TERB2: variants seen among roughly 807,000 people sequenced by gnomAD.
TERB2 encodes the protein telomere repeat binding bouquet formation protein 2, also known as telomere repeats-binding bouquet formation protein 2.
Under a neutral mutation model 29.8 loss-of-function variants are expected in TERB2, and 26 were observed. The observed-to-expected ratio is 0.87, with a 90% CI of 0.64 to 1.21. The LOEUF (loss-of-function observed/expected upper bound fraction) is 1.21, where lower values mean the gene tolerates loss of function less well. Ranked by LOEUF, TERB2 falls within the 50% of genes most tolerant of loss-of-function variation. The pLI is 0.00. For synonymous variants in TERB2, 80 were observed against 90.8 expected (o/e 0.88, Z 0.68); for missense variants, 240 against 268.6 (o/e 0.89, Z 0.74).
intron 4 of TERB2, among the ~76,000 whole-genome samples, chr15:44,965,663 A>G (rs2141241761): frequency 6.8e-6 from 1 of 147,918 alleles, no homozygotes; most frequent in East Asian, 2.0e-4. Flanking sequence ...CTTTATGTAT[A>G]TAGTGAAGCA....
intron 6 of TERB2, chr15:44,976,191 T>G (rs1480879734): frequency 6.6e-6 from 1 of 152,232 alleles, no homozygotes; most frequent in Admixed American, 6.5e-5. Context: ...CCACCGCACC[T>G]GACCCAGTGA....
At chr15:44,976,569 C>T (rs1388779260) in intron 6 of TERB2, among the ~76,000 whole-genome samples, 3 of 152,166 alleles carry the variant, frequency 2.0e-5, no homozygotes, top group African/African-American at 7.2e-5. Context: ...GACATTGCAT[C>T]ACTTCTGTCA....
At chr15:44,965,196 A>T (rs1288354992) in intron 4 of TERB2, among the ~76,000 whole-genome samples, 1 of 146,148 alleles carries the variant, frequency 6.8e-6, no homozygotes, top group Non-Finnish European at 1.5e-5. Context: ...AAAGAAAAGG[A>T]AAAAAAAGAA....
chr15:44,965,619 AATATAT>A (rs1392364717), intron 4 of TERB2, among the ~76,000 whole-genome samples: 4 of 143,580 alleles, frequency 2.8e-5, no homozygotes, highest in Admixed American at 7.2e-5. Flanking sequence ...TAGATATATA[AATATAT>A]ATCTATATAA....
rs531170201 is a variant in TERB2, at chr15:44,978,687, A to G, written c.*59A>G. On this transcript the variant is annotated 3_prime_UTR_variant, in exon 7 of 7. Transcript: ENST00000340827. ...TCTATAAAATATTATACAGATGTGCATATCATAAAATGCTCCCTTTTGGTA... is the reference window on the plus strand; with the variant it reads ...TCTATAAAATATTATACAGATGTGCGTATCATAAAATGCTCCCTTTTGGTA... The G allele has an allele frequency of 1.4e-6, 2 of 1,406,080 alleles. No homozygotes were observed. Among genetic ancestry groups the G allele is most frequent in the Admixed American group, 5.0e-5 (2 of 40,238 alleles). The allele number at this position is 1,406,080 out of a possible 1,614,324, so 87.1% of individuals were successfully genotyped here. A position where few individuals can be genotyped will look rare whatever the true frequency, so the allele number is the denominator to read the frequency against.
intron 6 of TERB2, among the ~76,000 whole-genome samples, chr15:44,974,172 G>C (rs1892010798): frequency 6.6e-6 from 1 of 152,124 alleles, no homozygotes; most frequent in African/African-American, 2.4e-5. Flanking sequence ...ATGGTATCAA[G>C]GTAGGGTGAC....
chr15:44,965,606 T>C (rs922086436), intron 4 of TERB2, among the ~76,000 whole-genome samples: 5 of 144,808 alleles, frequency 3.5e-5, no homozygotes, highest in Admixed American at 7.1e-5. Context: ...TTTATATATT[T>C]AATAGATATA....
At position 44,956,785 on chromosome 15, in the gene TERB2, A is replaced by G; in HGVS notation, c.64+3A>G. On this transcript the variant is annotated splice_donor_region_variant and intron_variant, in intron 1 of 6. Coordinates refer to ENST00000340827, the MANE Select transcript of TERB2 (RefSeq NM_152448.3). ...CCAGGATCTGAGGCAATTCTGGGGT[A>G]GGAAGCTGAGTGGAAGCAGCGGGTT... is the stretch of plus-strand genomic sequence containing the variant. The G allele has an allele frequency of 6.2e-7, 1 of 1,613,966 alleles. No homozygotes were observed. Among genetic ancestry groups the G allele is most frequent in the Non-Finnish European group, 8.5e-7 (1 of 1,179,902 alleles).
In TERB2 at chr15:44,966,193, T is replaced by C; in HGVS notation, c.384T>C (p.Leu128=). The C allele has an allele frequency of 6.4e-7, 1 of 1,560,306 alleles. No individual in the cohort carries two copies. The highest frequency in any genetic ancestry group is 8.6e-7 in the Non-Finnish European group (1 of 1,158,192). Residue 128 remains leucine, a synonymous_variant, in exon 5 of 7, where the codon CTT becomes CTC. Coordinates refer to ENST00000340827, the MANE Select transcript of TERB2 (RefSeq NM_152448.3). ...TAACACCAAATGAAATAAAGACCCT[T>C]AGGGAAAACAGTGAACTAGCAACAG... ...DEVTPNEIKT[L]RENSELATEH...
intron 5 of TERB2, among the ~76,000 whole-genome samples, chr15:44,969,376 G>A (rs1030102817): frequency 6.6e-6 from 1 of 152,006 alleles, no homozygotes; most frequent in African/African-American, 2.4e-5. Flanking sequence ...CCAAAGTGCT[G>A]GGATTATAGG....
chr15:44,962,183 CTT>C (rs776185424), intron 4 of TERB2, among the ~76,000 whole-genome samples: 55 of 138,090 alleles, frequency 4.0e-4, no homozygotes, highest in South Asian at 1.4e-3. Context: ...TTTACCAGTT[CTT>C]TTTTTTTTTT....
chr15:44,974,541 A>G (rs941126908), intron 6 of TERB2, among the ~76,000 whole-genome samples: 1 of 152,192 alleles, frequency 6.6e-6, no homozygotes, highest in East Asian at 1.9e-4. Context: ...AGTGCTGTAC[A>G]TAAAGAGAAG....
Position 44,978,523 on chromosome 15 carries a change from T to C in TERB2, c.558T>C (p.Leu186=), listed in dbSNP as rs745726932. ...YISIDAMKKF[L]GELHDFIPGT... Reference sequence around the variant, plus strand: ...CAATTGATGCCATGAAGAAATTCCTTGGGGAGCTACATGACTTCATTCCTG... The same window carrying C: ...CAATTGATGCCATGAAGAAATTCCTCGGGGAGCTACATGACTTCATTCCTG... The change falls in exon 7 of 7, where the codon CTT becomes CTC. Residue 186 remains leucine, a synonymous_variant. Coordinates refer to ENST00000340827, the MANE Select transcript of TERB2 (RefSeq NM_152448.3). 7 of 1,607,264 alleles carry C rather than the reference T, an allele frequency of 4.4e-6. No homozygotes were observed. The highest frequency in any genetic ancestry group is 1.7e-5 in the Admixed American group (1 of 59,562).
Position 44,958,206 on chromosome 15 carries a change from G to T in TERB2, c.147-167G>T, listed in dbSNP as rs568359631. Among the ~76,000 whole-genome samples the T allele has an allele frequency of 1.7e-3, 252 of 152,236 alleles. 1 individual carries two copies. Among genetic ancestry groups the T allele is most frequent in the African/African-American group, 5.9e-3 (245 of 41,542 alleles). On this transcript the variant is annotated intron_variant, in intron 2 of 6. Transcript: ENST00000340827. ...GTGCCAGATATAGGCCCCCAGAAAA[G>T]AGTATCTTATGCCATATGTTTTTCC...
Position 44,956,694 on chromosome 15 carries a change from A to T in TERB2, c.-25A>T. On this transcript the variant is annotated 5_prime_UTR_variant, in exon 1 of 7. Transcript: ENST00000340827. Reference sequence around the variant, plus strand: ...TCTCAGCTCTGCGGCCTCCTCTCTCACATCTCCACAGGCTTGGCGACGCCA... The same window carrying T: ...TCTCAGCTCTGCGGCCTCCTCTCTCTCATCTCCACAGGCTTGGCGACGCCA... 1.3e-6 allele frequency: 2 copies of T among 1,576,526 alleles called. No individual in the cohort carries two copies. The highest frequency in any genetic ancestry group is 2.0e-5 in the Admixed American group (1 of 51,234).
In TERB2 at chr15:44,961,564, C is replaced by G. The variant is rs1469613079; in HGVS notation, c.328C>G (p.Gln110Glu). The G allele has an allele frequency of 6.3e-7, 1 of 1,593,018 alleles. No individual in the cohort carries two copies. Among genetic ancestry groups the G allele is most frequent in the South Asian group, 1.2e-5 (1 of 86,942 alleles). ...TGGTAGTTTTATTTGGGAACAAGAC[C>G]AACATTTTCTGATAGAAAAGGTAAG... ...KIGSFIWEQD[Q>E]HFLIEKHDEV... is the part of the protein sequence containing the mutation. Residue 110 changes from glutamine to glutamate, a missense_variant, in exon 4 of 7, where the codon CAA (glutamine) becomes GAA (glutamate). Coordinates refer to ENST00000340827, the MANE Select transcript of TERB2 (RefSeq NM_152448.3).
chr15:44,970,511 C>A (rs186409835), intron 5 of TERB2: 95 of 171,732 alleles, frequency 5.5e-4, no homozygotes, highest in African/African-American at 2.2e-3. Flanking sequence ...ACATTTATCT[C>A]TTCAGTTGCC....
chr15:44,958,161 C>T (rs1891747984), intron 2 of TERB2, among the ~76,000 whole-genome samples: 1 of 152,114 alleles, frequency 6.6e-6, no homozygotes, highest in African/African-American at 2.4e-5. Flanking sequence ...GATGATTAAC[C>T]AACCCTGTAA....
intron 5 of TERB2, among the ~76,000 whole-genome samples, chr15:44,972,514 T>C (rs1891986123): frequency 1.5e-5 from 2 of 137,488 alleles, no homozygotes; most frequent in African/African-American, 6.8e-5. Flanking sequence ...GAGATCCTTT[T>C]AGCTTTTTTT....
Sources: allele counts gnomAD v4.1 joint callset (sites outside exome capture counted in the v4.1 genomes callset), GRCh38; gene constraint gnomAD v4.1.1; transcripts MANE v1.5; gene names NCBI Gene and HGNC (gene_info 2026-07-23, HGNC 2026-07-21).